Variants in IQCH observed in about 807,000 individuals in gnomAD.
IQCH encodes IQ domain-containing protein H.
Under a neutral mutation model 117.0 loss-of-function variants are expected in IQCH, and 98 were observed. The ratio of observed to expected loss-of-function variants is 0.84; its 90% CI spans 0.71 to 0.99. The LOEUF is 0.99. Ranked by LOEUF, IQCH falls within the 50% of genes least tolerant of loss-of-function variation. The probability of loss-of-function intolerance (pLI) is 0.00; values close to 1 mark genes in which losing one functional copy is unlikely to be tolerated. For synonymous variants in IQCH, 412 were observed against 448.2 expected (o/e 0.92, Z 1.02); for missense variants, 1,102 against 1,243.8 (o/e 0.89, Z 1.72).
chr15:67,483,289 G>C lies in IQCH; in HGVS notation c.2800-6714G>C, dbSNP rs145911775. 4.0e-3 allele frequency among the ~76,000 whole-genome samples: 615 copies of C among 152,332 alleles called. 4 individuals are homozygous for C. Among genetic ancestry groups the C allele is most frequent in the African/African-American group, 0.013 (524 of 41,576 alleles). On this transcript the variant is annotated intron_variant, in intron 18 of 20. Transcript: ENST00000335894. ...TAATCCCAACACTTTGGGAGGTTGA[G>C]GTGGATCACTTGAGGCCAGGAGTTT...
intron 10 of IQCH, among the ~76,000 whole-genome samples, chr15:67,380,085 C>T (rs904165182): frequency 1.3e-5 from 2 of 152,196 alleles, no homozygotes; most frequent in Non-Finnish European, 2.9e-5. Context: ...CTCCCAACCT[C>T]AGTTAATCTG....
chr15:67,468,751 G>A (rs1461619986), intron 17 of IQCH, among the ~76,000 whole-genome samples: 2 of 152,082 alleles, frequency 1.3e-5, no homozygotes, highest in Non-Finnish European at 2.9e-5. Context: ...ATTTATTTGT[G>A]GTCCCTTACT....
At chr15:67,322,837 G>A (rs1264085039) in intron 4 of IQCH, among the ~76,000 whole-genome samples, 1 of 152,194 alleles carries the variant, frequency 6.6e-6, no homozygotes, top group Non-Finnish European at 1.5e-5. Context: ...GTCTTGCTGG[G>A]TCTAGGGCTT....
At chr15:67,437,747 A>G (rs1237104046) in intron 16 of IQCH, among the ~76,000 whole-genome samples, 1 of 152,210 alleles carries the variant, frequency 6.6e-6, no homozygotes, top group East Asian at 1.9e-4. Flanking sequence ...TAGAAATGCA[A>G]AATGCTCTGG....
intron 16 of IQCH, among the ~76,000 whole-genome samples, chr15:67,449,032 G>A (rs1233438265): frequency 6.6e-6 from 1 of 150,390 alleles, no homozygotes; most frequent in Non-Finnish European, 1.5e-5. Context: ...CTTTTGAGAA[G>A]TGTCTGTTCA....
rs187241454 is a variant in IQCH at position 67,388,581 on chromosome 15, C to T, written c.1457-250C>T. Among the ~76,000 whole-genome samples the T allele has an allele frequency of 6.6e-6, 1 of 152,290 alleles. No individual in the cohort carries two copies. The highest frequency in any genetic ancestry group is 6.5e-5 in the Admixed American group (1 of 15,288). ...AGTACATTTCCAAGGTATCTCACAGCCCTCCTTCTGAAGGAATCATTGCAT... is the reference window on the plus strand; with the variant it reads ...AGTACATTTCCAAGGTATCTCACAGTCCTCCTTCTGAAGGAATCATTGCAT... On this transcript the variant is annotated intron_variant, in intron 11 of 20. Transcript: ENST00000335894. The surrounding 1 kb of genome is among the most constrained non-coding windows in gnomAD (Gnocchi z 5.5).
rs34065535 is a variant in IQCH, at chr15:67,427,829, ATTTT to A, written c.2505+6266_2505+6269del. ...CAAGTAGTCTAAATTCCAATAATAGATTTTTTTTTTTTTTTTTGAAGCAGAATCT... is the reference window on the plus strand; with the variant it reads ...CAAGTAGTCTAAATTCCAATAATAGATTTTTTTTTTTTTGAAGCAGAATCT... On this transcript the variant is annotated intron_variant, in intron 16 of 20. Coordinates refer to ENST00000335894, the MANE Select transcript of IQCH (RefSeq NM_001031715.3). The surrounding 1 kb of genome is among the most constrained non-coding windows in gnomAD (Gnocchi z 4.7). Among the ~76,000 whole-genome samples, 3 of 141,680 alleles carry A rather than the reference ATTTT, an allele frequency of 2.1e-5. No homozygotes were observed. The highest frequency in any genetic ancestry group is 3.1e-5 in the Non-Finnish European group (2 of 64,548). The allele number at this position is 141,680 out of a possible 152,430, so 92.9% of individuals were successfully genotyped here.
At position 67,366,851 on chromosome 15, in the gene IQCH, G is replaced by A. The variant is rs183964041; in HGVS notation, c.754-5260G>A. Among the ~76,000 whole-genome samples, 18 of 152,148 alleles carry A rather than the reference G, an allele frequency of 1.2e-4. No individual in the cohort carries two copies. The East Asian group carries it at 2.7e-3, about 23-fold the overall frequency. On this transcript the variant is annotated intron_variant, in intron 8 of 20. Coordinates refer to ENST00000335894, the MANE Select transcript of IQCH (RefSeq NM_001031715.3). This position sits in a 1 kb window ranked among gnomAD's most constrained non-coding sequence, Gnocchi z 4.4. ...GTGTGGGCAGTCGTTCATCTATTTT[G>A]ATTTCAGAGTTACTAGAAAGAGTTT...
intron 4 of IQCH, among the ~76,000 whole-genome samples, chr15:67,292,065 T>C (rs951735776): frequency 9.2e-5 from 14 of 152,100 alleles, no homozygotes; most frequent in African/African-American, 2.9e-4. Flanking sequence ...GGGGGATTAG[T>C]GCTCTTATAA....
chr15:67,375,282 C>T (rs929514944), intron 10 of IQCH, among the ~76,000 whole-genome samples: 2 of 151,934 alleles, frequency 1.3e-5, no homozygotes, highest in Admixed American at 1.3e-4. Context: ...CAAAAATTAG[C>T]GAGGCATGGT....
intron 16 of IQCH, among the ~76,000 whole-genome samples, chr15:67,449,990 G>T (rs2082481597): frequency 6.6e-6 from 1 of 152,104 alleles, no homozygotes; most frequent in South Asian, 2.1e-4. Flanking sequence ...TGAAGCAATT[G>T]TGAATGGGAG....
chr15:67,487,689 C>G (rs878863695), intron 18 of IQCH, among the ~76,000 whole-genome samples: 11 of 152,054 alleles, frequency 7.2e-5, no homozygotes, highest in Admixed American at 3.3e-4. Context: ...TTAGACGACT[C>G]TAATGTGCAG....
Position 67,424,745 on chromosome 15 carries a change from C to A in IQCH, c.2505+3168C>A, listed in dbSNP as rs1173820516. Among the ~76,000 whole-genome samples, 1 of 152,130 alleles carries A rather than the reference C, an allele frequency of 6.6e-6. No individual in the cohort carries two copies. The highest frequency in any genetic ancestry group is 1.5e-5 in the Non-Finnish European group (1 of 68,026). On this transcript the variant is annotated intron_variant, in intron 16 of 20. Coordinates refer to ENST00000335894, the MANE Select transcript of IQCH (RefSeq NM_001031715.3). This position sits in a 1 kb window ranked among gnomAD's most constrained non-coding sequence, Gnocchi z 4.9. Reference sequence around the variant, plus strand: ...ACTATGAATTTTCCTTGTCCCTTCCCATAAATACTTCAGTATATGATCATT... The same window carrying A: ...ACTATGAATTTTCCTTGTCCCTTCCAATAAATACTTCAGTATATGATCATT...
intron 8 of IQCH, among the ~76,000 whole-genome samples, chr15:67,361,992 A>G (rs1249424601): frequency 6.6e-6 from 1 of 152,212 alleles, no homozygotes; most frequent in Admixed American, 6.5e-5. Flanking sequence ...TATGGATAAA[A>G]CAAGCAAACA....
chr15:67,337,376 T>C (rs904369274), intron 5 of IQCH, among the ~76,000 whole-genome samples: 11 of 152,234 alleles, frequency 7.2e-5, no homozygotes, highest in Admixed American at 3.9e-4. Context: ...ATTGTGTTTA[T>C]GTGATAGCAT....
At chr15:67,336,606 C>G (rs1968902041) in intron 4 of IQCH, among the ~76,000 whole-genome samples, 1 of 152,086 alleles carries the variant, frequency 6.6e-6, no homozygotes, top group African/African-American at 2.4e-5. Flanking sequence ...ACATTTATTT[C>G]CTGGGAAATT....
Position 67,475,386 on chromosome 15 carries a change from G to A in IQCH, c.2677-310G>A, listed in dbSNP as rs1305751203. Reference sequence around the variant, plus strand: ...CCAGCTACTTGGGAGGCTGAAGCAGGAGGATCACTTAAGCCCAGGAGGCAG... The same window carrying A: ...CCAGCTACTTGGGAGGCTGAAGCAGAAGGATCACTTAAGCCCAGGAGGCAG... On this transcript the variant is annotated intron_variant, in intron 17 of 20. Transcript: ENST00000335894. This position sits in a 1 kb window ranked among gnomAD's most constrained non-coding sequence, Gnocchi z 5.7. Among the ~76,000 whole-genome samples the A allele has an allele frequency of 1.3e-5, 2 of 152,204 alleles. No homozygotes were observed. The highest frequency in any genetic ancestry group is 2.9e-5 in the Non-Finnish European group (2 of 68,042).
rs200639045 is a variant in IQCH, at chr15:67,421,363, A to G, written c.2291A>G (p.Asn764Ser). Residue 764 changes from asparagine (N) to serine (S), a missense_variant, in exon 16 of 21, where the codon AAC (asparagine) becomes AGC (serine). Asn to Ser is a conservative substitution (Grantham distance 46, BLOSUM62 1). Coordinates refer to ENST00000335894, the MANE Select transcript of IQCH (RefSeq NM_001031715.3). ...ACAGTGGACATGCTGATAGAGCCCA[A>G]CGGGAAAATCAGCGTGCTGTCGACA... ...NLTVDMLIEPNGKISVLSTGD... is the reference protein window; with the variant it reads ...NLTVDMLIEPSGKISVLSTGD... The G allele has an allele frequency of 1.6e-4, 253 of 1,614,060 alleles. 1 individual carries two copies. The highest frequency in any genetic ancestry group is 1.9e-4 in the Non-Finnish European group (224 of 1,180,018).
In IQCH at chr15:67,491,828, A is replaced by T. The variant is rs1483961020; in HGVS notation, c.2861+1764A>T. On this transcript the variant is annotated intron_variant, in intron 19 of 20. Transcript: ENST00000335894. This position sits in a 1 kb window ranked among gnomAD's most constrained non-coding sequence, Gnocchi z 4.9. ...ACCCTTCCTTACCAGAAAATTTGAAAGCATTTTATCAACTGTGCCAGGCAC... is the reference window on the plus strand; with the variant it reads ...ACCCTTCCTTACCAGAAAATTTGAATGCATTTTATCAACTGTGCCAGGCAC... Among the ~76,000 whole-genome samples, 1 of 152,116 alleles carries T rather than the reference A, an allele frequency of 6.6e-6. No individual in the cohort carries two copies. Among genetic ancestry groups the T allele is most frequent in the Non-Finnish European group, 1.5e-5 (1 of 68,030 alleles).
Sources: allele counts gnomAD v4.1 joint callset (sites outside exome capture counted in the v4.1 genomes callset), GRCh38; gene constraint gnomAD v4.1.1; non-coding constraint Gnocchi (gnomAD v3.1); transcripts MANE v1.5; gene names NCBI Gene and HGNC (gene_info 2026-07-23, HGNC 2026-07-21).